The following SLCO1B1 variants were observed in gnomAD, a reference collection of about 807,000 sequenced individuals.
SLCO1B1 encodes solute carrier organic anion transporter family member 1B1.
A neutral mutation model predicts 70.1 loss-of-function variants in SLCO1B1; 81 were observed. The observed-to-expected ratio is 1.16, with a 90% CI of 0.97 to 1.39. The LOEUF (loss-of-function observed/expected upper bound fraction) is 1.39, where lower values mean the gene tolerates loss of function less well. SLCO1B1 is among the 40% of genes most tolerant of loss of function. The pLI, the probability that SLCO1B1 is intolerant of heterozygous loss-of-function variation, is 0.00. For synonymous variants in SLCO1B1, 283 were observed against 271.5 expected, an observed-to-expected ratio of 1.04 and a Z score of -0.42; for missense variants, 895 against 799.6, an observed-to-expected ratio of 1.12 and a Z score of -1.44.
intron 1 of SLCO1B1, among the ~76,000 whole-genome samples, chr12:21,137,527 C>G (rs1057431106): frequency 7.2e-5 from 11 of 152,196 alleles, no homozygotes; most frequent in Non-Finnish European, 1.5e-4. Flanking sequence ...AAACAACTAA[C>G]TCAGCAATGG....
At chr12:21,205,537 T>C (rs1415273142) in intron 10 of SLCO1B1, among the ~76,000 whole-genome samples, 1 of 151,926 alleles carries the variant, frequency 6.6e-6, no homozygotes, top group African/African-American at 2.4e-5. Flanking sequence ...AGAAAAAAGA[T>C]GTAACTTATC....
chr12:21,185,276 A>G (rs1054187148), intron 7 of SLCO1B1, among the ~76,000 whole-genome samples: 1 of 152,126 alleles, frequency 6.6e-6, no homozygotes, highest in South Asian at 2.1e-4. Context: ...AACATCCTAC[A>G]GAATACTCCA....
In SLCO1B1 at chr12:21,222,372, G is replaced by GAAAAAA. The variant is rs4149102; in HGVS notation, c.1747+29_1747+34dup. The GAAAAAA allele has an allele frequency of 7.2e-4, 18 of 24,952 alleles. 2 individuals are homozygous for GAAAAAA. Among genetic ancestry groups the GAAAAAA allele is most frequent in the African/African-American group, 3.1e-3 (10 of 3,260 alleles). The allele number at this position is 24,952 out of a possible 1,614,324, so 1.5% of individuals were successfully genotyped here. ...TGGTTATACGAGCACTAGGTATGAT[G>GAAAAAA]AAAAAAAAAAAAAAAAAAAAAAAAA... On this transcript the variant is annotated intron_variant, in intron 13 of 14. Coordinates refer to ENST00000256958, the MANE Select transcript of SLCO1B1 (RefSeq NM_006446.5).
intron 12 of SLCO1B1, among the ~76,000 whole-genome samples, chr12:21,220,146 C>A (rs1004854668): frequency 6.6e-6 from 1 of 152,056 alleles, no homozygotes; most frequent in African/African-American, 2.4e-5. Flanking sequence ...AGGATAATCC[C>A]AAAGTTCTGG....
At chr12:21,192,483 T>C (rs1446234303) in intron 7 of SLCO1B1, among the ~76,000 whole-genome samples, 1 of 151,916 alleles carries the variant, frequency 6.6e-6, no homozygotes, top group Non-Finnish European at 1.5e-5. Context: ...TCTCTTTTGC[T>C]TAGTCTAGTT....
At chr12:21,235,861 T>C (rs578079100) in intron 14 of SLCO1B1, among the ~76,000 whole-genome samples, 28 of 152,248 alleles carry the variant, frequency 1.8e-4, no homozygotes, top group Middle Eastern at 3.4e-3. Flanking sequence ...TTTGTAAGTC[T>C]AACAATAGGC....
At chr12:21,161,237 A>G (rs1209397726) in intron 2 of SLCO1B1, among the ~76,000 whole-genome samples, 6 of 152,226 alleles carry the variant, frequency 3.9e-5, no homozygotes, top group Non-Finnish European at 1.5e-5. Flanking sequence ...CATTATTCAC[A>G]ATAGCAAAGA....
At chr12:21,201,109 CA>C in intron 9 of SLCO1B1, among the ~76,000 whole-genome samples, 1 of 152,102 alleles carries the variant, frequency 6.6e-6, no homozygotes, top group East Asian at 1.9e-4. Context: ...ATGCATAATT[CA>C]AAACAAATAT....
At chr12:21,167,127 G>T (rs1250516952) in intron 2 of SLCO1B1, among the ~76,000 whole-genome samples, 1 of 152,012 alleles carries the variant, frequency 6.6e-6, no homozygotes, top group East Asian at 1.9e-4. Flanking sequence ...TTCTAAAAAT[G>T]TTTGCCACCA....
At chr12:21,165,100 G>A (rs1489355316) in intron 2 of SLCO1B1, among the ~76,000 whole-genome samples, 1 of 152,078 alleles carries the variant, frequency 6.6e-6, no homozygotes, top group African/African-American at 2.4e-5. Context: ...TTGTGCGTTT[G>A]ACAAATTAGA....
intron 7 of SLCO1B1, among the ~76,000 whole-genome samples, chr12:21,180,263 A>G (rs1478872613): frequency 1.3e-5 from 2 of 152,040 alleles, no homozygotes; most frequent in Non-Finnish European, 2.9e-5. Context: ...GTGCCCTGTA[A>G]TCTCACATTT....
chr12:21,187,039 T>C (rs187426644), intron 7 of SLCO1B1, among the ~76,000 whole-genome samples: 87 of 152,092 alleles, frequency 5.7e-4, no homozygotes, highest in Non-Finnish European at 9.0e-4. Context: ...ACTAAGAAAA[T>C]CATTGAGAAA....
chr12:21,209,352 TC>T (rs1941252557), intron 11 of SLCO1B1, among the ~76,000 whole-genome samples: 4 of 152,254 alleles, frequency 2.6e-5, no homozygotes, highest in Admixed American at 2.6e-4. Flanking sequence ...AATGATGTTT[TC>T]CAGTTTCATC....
At chr12:21,229,706 C>G (rs149037333) in intron 14 of SLCO1B1, among the ~76,000 whole-genome samples, 185 of 152,246 alleles carry the variant, frequency 1.2e-3, no homozygotes, top group East Asian at 5.6e-3. Flanking sequence ...TATATTAACC[C>G]TGGATCCTGT....
rs751514211 is a variant in SLCO1B1 at position 21,222,397 on chromosome 12, A to AATATATATAT, written c.1747+55_1747+64dup. 2.6e-3 allele frequency: 254 copies of AATATATATAT among 97,670 alleles called. 2 individuals carry two copies. The highest frequency in any genetic ancestry group is 0.013 in the East Asian group (34 of 2,698). The allele number at this position is 97,670 out of a possible 1,614,324, so 6.1% of individuals were successfully genotyped here. ...GAAAAAAAAAAAAAAAAAAAAAAAA[A>AATATATATAT]ATATATATATATATATATATATATA... is the stretch of plus-strand genomic sequence containing the variant. On this transcript the variant is annotated intron_variant, in intron 13 of 14. Coordinates refer to ENST00000256958, the MANE Select transcript of SLCO1B1 (RefSeq NM_006446.5).
rs1941629646 is a variant in SLCO1B1, at chr12:21,239,729, C to A, written c.*540C>A. On this transcript the variant is annotated 3_prime_UTR_variant, in exon 15 of 15. Transcript: ENST00000256958. ...TTATCAATGTATAATTAACAATTAT[C>A]TTGTTTAAGTAAATTTAGAATACAT... Among the ~76,000 whole-genome samples, 1 of 152,100 alleles carries A rather than the reference C, an allele frequency of 6.6e-6. No individual in the cohort carries two copies. Among genetic ancestry groups the A allele is most frequent in the African/African-American group, 2.4e-5 (1 of 41,410 alleles).
chr12:21,144,292 A>G (rs1940352861), intron 2 of SLCO1B1, among the ~76,000 whole-genome samples: 1 of 152,138 alleles, frequency 6.6e-6, no homozygotes, highest in Non-Finnish European at 1.5e-5. Flanking sequence ...GTAATTAACA[A>G]CAAAATAGAC....
chr12:21,134,196 T>G lies in SLCO1B1; in HGVS notation c.-62+2960T>G, dbSNP rs1475165346. The stretch of plus-strand genomic sequence containing the variant: ...CAGGGATGAATCCCACTTGGTCATG[T>G]TGGATAAGCTTTTTGATGTGCTGTT... On this transcript the variant is annotated intron_variant, in intron 1 of 14. Transcript: ENST00000256958. 9.2e-5 allele frequency among the ~76,000 whole-genome samples: 14 copies of G among 152,250 alleles called. 1 individual carries two copies. Among genetic ancestry groups the G allele is most frequent in the Admixed American group, 3.3e-4 (5 of 15,280 alleles).
At chr12:21,231,314 T>C (rs1055702627) in intron 14 of SLCO1B1, among the ~76,000 whole-genome samples, 1 of 152,174 alleles carries the variant, frequency 6.6e-6, no homozygotes, top group African/African-American at 2.4e-5. Flanking sequence ...TCAAGTATAG[T>C]ATCTGTTCTT....
Sources: allele counts gnomAD v4.1 joint callset (sites outside exome capture counted in the v4.1 genomes callset), GRCh38; gene constraint gnomAD v4.1.1; transcripts MANE v1.5; gene names NCBI Gene and HGNC (gene_info 2026-07-23, HGNC 2026-07-21).